The following FSTL4 variants were observed in gnomAD, a reference collection of about 807,000 sequenced individuals.
The protein encoded by FSTL4 is follistatin-related protein 4.
FSTL4 carries 28 observed loss-of-function variants against 78.2 expected under a neutral mutation model. The observed-to-expected ratio is 0.36, with a 90% CI of 0.27 to 0.49. The LOEUF is 0.49. Ranked by LOEUF, FSTL4 falls within the 20% of genes least tolerant of loss-of-function variation. FSTL4 has a pLI of 0.98. For missense variants in FSTL4, 922 were observed against 1,084.9 expected (o/e 0.85, Z 2.11); for synonymous variants, 422 against 440.5 (o/e 0.96, Z 0.53).
intron 8 of FSTL4, among the ~76,000 whole-genome samples, chr5:133,227,291 G>C (rs1024774540): frequency 6.6e-6 from 1 of 152,226 alleles, no homozygotes; most frequent in Admixed American, 6.5e-5. Flanking sequence ...CAGGCCACTA[G>C]GGGTGGAGGA....
chr5:133,266,481 G>T (rs1752643466), intron 6 of FSTL4: 1 of 152,310 alleles, frequency 6.6e-6, no homozygotes, highest in Non-Finnish European at 1.5e-5. Flanking sequence ...CCCGGCTCCT[G>T]CCTCTCCACC....
intron 7 of FSTL4, among the ~76,000 whole-genome samples, chr5:133,237,072 C>T (rs557216784): frequency 4.6e-5 from 7 of 152,280 alleles, no homozygotes; most frequent in African/African-American, 1.7e-4. Context: ...GTTTGACAGC[C>T]GAGGTGCCCA....
chr5:133,676,349 A>C, the FSTL4 span, among the ~76,000 whole-genome samples: 1 of 152,206 alleles, frequency 6.6e-6, no homozygotes. Context: ...TAGATGGAGA[A>C]AACTCATAAC....
chr5:133,822,024 T>C, the FSTL4 span, among the ~76,000 whole-genome samples: 4 of 152,178 alleles, frequency 2.6e-5, no homozygotes, highest in African/African-American at 9.7e-5. Context: ...CCTCCTGCAC[T>C]TCTTGAGTGA....
At chr5:133,402,936 A>AG (rs1429921253) in intron 3 of FSTL4, among the ~76,000 whole-genome samples, 1 of 152,044 alleles carries the variant, frequency 6.6e-6, no homozygotes, top group Non-Finnish European at 1.5e-5. Flanking sequence ...GGTGGCGGGG[A>AG]GGGAAGGAGG....
chr5:133,769,102 G>A, the FSTL4 span, among the ~76,000 whole-genome samples: 53 of 152,284 alleles, frequency 3.5e-4, no homozygotes, highest in African/African-American at 8.4e-4. Context: ...TTCTAATTCC[G>A]GAAGAGAACC....
intron 7 of FSTL4, chr5:133,247,553 C>CAG (rs1752078288): frequency 6.6e-6 from 1 of 152,240 alleles, no homozygotes; most frequent in South Asian, 2.1e-4. Context: ...TGAGCAGGTA[C>CAG]AGTAGAGGAC....
rs140382127 is a variant in FSTL4, at chr5:133,506,330, G to A, written c.160+60856C>T. 3.3e-3 allele frequency among the ~76,000 whole-genome samples: 506 copies of A among 152,268 alleles called. 3 individuals carry two copies. The highest frequency in any genetic ancestry group is 0.011 in the African/African-American group (476 of 41,544). On this transcript the variant is annotated intron_variant, in intron 3 of 15. Transcript: ENST00000265342. ...AAGCTGAGGACCTTGTGCCAGGATA[G>A]CAGCGAATGCACAGCAGGATAATAT...
chr5:133,447,356 A>G (rs968611098), intron 3 of FSTL4, among the ~76,000 whole-genome samples: 3 of 152,230 alleles, frequency 2.0e-5, no homozygotes, highest in Non-Finnish European at 4.4e-5. Flanking sequence ...CTGATGAATC[A>G]GAATAGTACC....
chr5:133,424,546 G>T (rs1007579279), intron 3 of FSTL4, among the ~76,000 whole-genome samples: 2 of 152,182 alleles, frequency 1.3e-5, no homozygotes, highest in African/African-American at 4.8e-5. Flanking sequence ...GGTTCTCTAC[G>T]ACTTCCCTGG....
At chr5:133,737,198 G>GA in the FSTL4 span, among the ~76,000 whole-genome samples, 1 of 151,808 alleles carries the variant, frequency 6.6e-6, no homozygotes, top group Non-Finnish European at 1.5e-5. Context: ...ACCATAGTTA[G>GA]AAAAAAATGG....
At chr5:133,332,078 C>T (rs949093445) in intron 4 of FSTL4, among the ~76,000 whole-genome samples, 3 of 152,144 alleles carry the variant, frequency 2.0e-5, no homozygotes, top group Admixed American at 2.0e-4. Flanking sequence ...CCGGGGCTGC[C>T]GAGGGAGGGT....
chr5:133,667,607 C>T, the FSTL4 span, among the ~76,000 whole-genome samples: 167 of 152,348 alleles, frequency 1.1e-3, 1 homozygote, highest in African/African-American at 3.9e-3. Context: ...CTGGCAGCTC[C>T]TCTGCCCAGA....
Position 133,393,778 on chromosome 5 carries a change from A to C in FSTL4, c.409+6960T>G, listed in dbSNP as rs250855. Among the ~76,000 whole-genome samples the C allele has an allele frequency of 3.3e-3, 498 of 152,360 alleles. 4 individuals are homozygous for C. Among genetic ancestry groups the C allele is most frequent in the African/African-American group, 0.011 (475 of 41,592 alleles). ...TTCCTTAGAAAGGAGACAAGGGTCT[A>C]GTTTCCTGATGTCCAGAAGCTCTGT... On this transcript the variant is annotated intron_variant, in intron 4 of 15. Coordinates refer to ENST00000265342, the MANE Select transcript of FSTL4 (RefSeq NM_015082.2).
the FSTL4 span, among the ~76,000 whole-genome samples, chr5:133,718,098 G>GT: frequency 1.3e-5 from 2 of 150,184 alleles, no homozygotes; most frequent in South Asian, 2.1e-4. Flanking sequence ...TTTGGTTTTT[G>GT]GTTTTTTTTT....
chr5:133,340,738 T>C (rs1754561724), intron 4 of FSTL4, among the ~76,000 whole-genome samples: 1 of 152,194 alleles, frequency 6.6e-6, no homozygotes, highest in African/African-American at 2.4e-5. Context: ...ATCGTACAGA[T>C]ATTTGATTAA....
chr5:133,241,124 G>A (rs1751859865), intron 7 of FSTL4, among the ~76,000 whole-genome samples: 1 of 152,220 alleles, frequency 6.6e-6, no homozygotes, highest in Non-Finnish European at 1.5e-5. Context: ...ACTGGGAGAG[G>A]AGAACAGAGA....
At chr5:133,819,993 G>T in the FSTL4 span, among the ~76,000 whole-genome samples, 1 of 152,188 alleles carries the variant, frequency 6.6e-6, no homozygotes, top group Non-Finnish European at 1.5e-5. Flanking sequence ...CTTGCTCAAG[G>T]TCACACAACT....
intron 3 of FSTL4, among the ~76,000 whole-genome samples, chr5:133,505,198 C>T (rs75682587): frequency 1.6e-4 from 25 of 151,854 alleles, no homozygotes; most frequent in African/African-American, 5.6e-4. Context: ...TAATTTTTGC[C>T]TTCCTCTCTC....
Sources: allele counts gnomAD v4.1 joint callset (sites outside exome capture counted in the v4.1 genomes callset), GRCh38; gene constraint gnomAD v4.1.1; transcripts MANE v1.5; gene names NCBI Gene and HGNC (gene_info 2026-07-23, HGNC 2026-07-21).